The following RTP2 variants were observed in gnomAD, a reference collection of about 807,000 sequenced individuals.
The protein encoded by RTP2 is receptor-transporting protein 2.
RTP2 carries 12 observed loss-of-function variants against 17.9 expected under a neutral mutation model. That is an observed-to-expected ratio of 0.67 (90% confidence interval 0.43 to 1.09). The LOEUF (loss-of-function observed/expected upper bound fraction) is 1.09. Among genes scored for constraint, RTP2 ranks in the 50% least tolerant of loss-of-function variants. The probability of loss-of-function intolerance (pLI) is 0.00; values close to 1 mark genes in which losing one functional copy is unlikely to be tolerated. For missense variants in RTP2, 327 were observed against 295.7 expected, an observed-to-expected ratio of 1.11 and a Z score of -0.78; for synonymous variants, 126 against 117.7, an observed-to-expected ratio of 1.07 and a Z score of -0.46.
In RTP2 at chr3:187,702,267, TCCTCTGTTAC is replaced by T; in HGVS notation, c.-149_-140del. On this transcript the variant is annotated 5_prime_UTR_variant, in exon 1 of 2. The change creates a premature stop within an existing upstream ORF in the 5' untranslated region. Transcript: ENST00000358241. ...TGGGAGTAAACAGGACCCAGCTCCCTCCTCTGTTACCCTGGAACCTGTTACCATGGTAGCC... is the reference window on the plus strand; with the variant it reads ...TGGGAGTAAACAGGACCCAGCTCCCTCCTGGAACCTGTTACCATGGTAGCC... 1 of 810,480 alleles carries T rather than the reference TCCTCTGTTAC, an allele frequency of 1.2e-6. No individual in the cohort carries two copies. Among genetic ancestry groups the T allele is most frequent in the Non-Finnish European group, 2.0e-6 (1 of 503,968 alleles). 50.2% of individuals were successfully genotyped at this position (810,480 alleles called of 1,614,324 possible).
chr3:187,699,238 C>T (rs1717780956), intron 1 of RTP2, among the ~76,000 whole-genome samples: 1 of 152,198 alleles, frequency 6.6e-6, no homozygotes. Context: ...CCGGAGCCAT[C>T]TGGCATCCAG....
chr3:187,702,483 T>G lies in RTP2; in HGVS notation c.-355A>C, dbSNP rs558660759. 2.2e-4 allele frequency: 103 copies of G among 473,986 alleles called. No individual in the cohort carries two copies. In the East Asian group the frequency reaches 3.9e-3, roughly 18 times the overall value. The allele number at this position is 473,986 out of a possible 1,614,324, so 29.4% of individuals were successfully genotyped here. ...GAGGTCTCCAGGAGGCAAGGACTAT[T>G]TGGTGGCCCTGCTTCACCCAACTGC... is the stretch of plus-strand genomic sequence containing the variant. On this transcript the variant is annotated 5_prime_UTR_variant, in exon 1 of 2. Coordinates refer to ENST00000358241, the Ensembl canonical transcript of RTP2.
At chr3:187,710,212 G>C in the RTP2 span, among the ~76,000 whole-genome samples, 1 of 152,008 alleles carries the variant, frequency 6.6e-6, no homozygotes, top group Non-Finnish European at 1.5e-5. Context: ...CAGGCCTTGA[G>C]ACTCAGGCTG....
exon 1 of RTP2, chr3:187,702,031 G>A (rs764665574): frequency 1.2e-6 from 2 of 1,613,502 alleles, no homozygotes; most frequent in Non-Finnish European, 1.7e-6. Flanking sequence ...CTTGAGGTTG[G>A]GGTCTATGAT....
At chr3:187,704,931 G>A (rs756166639), upstream of RTP2, among the ~76,000 whole-genome samples, 2 of 152,152 alleles carry the variant, frequency 1.3e-5, no homozygotes, top group Non-Finnish European at 2.9e-5. Flanking sequence ...TTAATTGGCA[G>A]CAACCAGAGC....
chr3:187,701,829 G>A (rs1458402558), intron 1 of RTP2, 136 bp downstream of exon 1: 5 of 723,926 alleles, frequency 6.9e-6, no homozygotes, highest in Middle Eastern at 7.5e-4. Context: ...TGACCCAGCC[G>A]GCTGTCTTTG....
Position 187,702,080 on chromosome 3 carries a change from T to C in RTP2, c.49A>G (p.Lys17Glu), listed in dbSNP as rs772311726. The change falls in exon 1 of 2, where the codon AAG becomes GAG. Residue 17 changes from lysine (K) to glutamate (E), a missense_variant. Coordinates refer to ENST00000358241, the Ensembl canonical transcript of RTP2. ...TCCGCTGGCTTTGCCACCTCCATCTTCTCATAGAAGACTTTCTTCCACTCA... is the reference window on the plus strand; with the variant it reads ...TCCGCTGGCTTTGCCACCTCCATCTCCTCATAGAAGACTTTCTTCCACTCA... 12 of 1,613,442 alleles carry C rather than the reference T, an allele frequency of 7.4e-6. No individual in the cohort carries two copies. In the African/African-American group the frequency reaches 1.3e-4, roughly 18 times the overall value.
At chr3:187,703,780 T>C, upstream of RTP2, among the ~76,000 whole-genome samples, 1 of 152,088 alleles carries the variant, frequency 6.6e-6, no homozygotes, top group Admixed American at 6.5e-5. Context: ...TAGTATACCC[T>C]TGTTCCCAGA....
At chr3:187,702,136 C>T (rs1181565247) in exon 1 of RTP2, 2 of 1,592,934 alleles carry the variant, frequency 1.3e-6, no homozygotes, top group Non-Finnish European at 1.7e-6. Flanking sequence ...CATGGTCCTG[C>T]TGGCAGAGGT....
chr3:187,708,552 G>A, the RTP2 span, among the ~76,000 whole-genome samples: 8 of 152,210 alleles, frequency 5.3e-5, no homozygotes, highest in Non-Finnish European at 1.0e-4. Context: ...GAATTTGTAT[G>A]ATGCAAGAAA....
the RTP2 span, among the ~76,000 whole-genome samples, chr3:187,712,773 C>T: frequency 6.6e-6 from 1 of 152,144 alleles, no homozygotes; most frequent in Admixed American, 6.5e-5. Context: ...CCCAGAACAC[C>T]CCTAGTGAGA....
upstream of RTP2, among the ~76,000 whole-genome samples, chr3:187,704,608 T>C (rs1717944487): frequency 6.6e-6 from 1 of 152,190 alleles, no homozygotes; most frequent in African/African-American, 2.4e-5. Context: ...GTTTATAATA[T>C]TTCTTTACCA....
chr3:187,698,671 CGCTGGGCTT>C lies in RTP2; in HGVS notation c.496_504del (p.Lys166_Ser168del), dbSNP rs765284773. 2.5e-6 allele frequency: 4 copies of C among 1,614,074 alleles called. No homozygotes were observed. The African/African-American group carries it at 5.3e-5, about 22-fold the overall frequency. ...GTCACCTCCTCCTCCAGCAGCTTCTCGCTGGGCTTCCAGTGAACGATGCCCTCCTGGCAG... is the reference window on the plus strand; with the variant it reads ...GTCACCTCCTCCTCCAGCAGCTTCTCCCAGTGAACGATGCCCTCCTGGCAG... On this transcript the variant is annotated inframe_deletion, in exon 2 of 2. Coordinates refer to ENST00000358241, the Ensembl canonical transcript of RTP2.
chr3:187,706,234 T>C (rs1376919454), upstream of RTP2, among the ~76,000 whole-genome samples: 2 of 152,206 alleles, frequency 1.3e-5, no homozygotes, highest in Non-Finnish European at 2.9e-5. Flanking sequence ...TTACATGAGA[T>C]GTAAAACAAA....
chr3:187,701,220 T>G lies in RTP2; in HGVS notation c.164+745A>C, dbSNP rs556358336. 2.6e-5 allele frequency among the ~76,000 whole-genome samples: 4 copies of G among 152,346 alleles called. No homozygotes were observed. In the South Asian group the frequency reaches 8.3e-4, roughly 32 times the overall value. ...TCATGATCTAAAAGGAGGAAAGGCA[T>G]GTGGACTTTAGACGGCCTCGTCCCC... On this transcript the variant is annotated intron_variant, in intron 1 of 1. Transcript: ENST00000358241.
chr3:187,706,610 C>T (rs1364897705), upstream of RTP2, among the ~76,000 whole-genome samples: 1 of 151,518 alleles, frequency 6.6e-6, no homozygotes, highest in East Asian at 1.9e-4. Context: ...TATTTCTTTT[C>T]TTTTTTTTTC....
the RTP2 span, among the ~76,000 whole-genome samples, chr3:187,715,171 G>A: frequency 1.3e-5 from 2 of 152,104 alleles, no homozygotes; most frequent in African/African-American, 4.8e-5. Flanking sequence ...GTTTCTAAAT[G>A]GGGTAGGATC....
chr3:187,700,318 C>T (rs571589152), intron 1 of RTP2, among the ~76,000 whole-genome samples: 219 of 152,344 alleles, frequency 1.4e-3, no homozygotes, highest in African/African-American at 5.1e-3. Context: ...AGGAGAGGTT[C>T]CCCGCCCCCA....
chr3:187,702,675 G>A (rs1411088096), upstream of RTP2: 2 of 434,986 alleles, frequency 4.6e-6, no homozygotes, highest in Non-Finnish European at 4.6e-6. Context: ...CTGTGTGCTG[G>A]CCAAAGCAGA....
Sources: gnomAD v4.1 joint callset for allele counts (sites outside exome capture counted in the v4.1 genomes callset) on GRCh38, gnomAD v4.1.1 for gene constraint, MANE v1.5 for transcripts, NCBI Gene and HGNC (gene_info 2026-07-23, HGNC 2026-07-21) for gene names.